The following METTL15 variants were observed in gnomAD, a reference collection of about 807,000 sequenced individuals.
The protein encoded by METTL15 is 12S rRNA N(4)-cytidine methyltransferase METTL15.
Under a neutral mutation model 38.3 loss-of-function variants are expected in METTL15, and 34 were observed. The observed-to-expected ratio is 0.89, with a 90% CI of 0.68 to 1.18. METTL15 has a LOEUF of 1.18. Ranked by LOEUF, METTL15 falls within the 50% of genes most tolerant of loss-of-function variation. The probability of loss-of-function intolerance (pLI) is 0.00; values close to 1 mark genes in which losing one functional copy is unlikely to be tolerated. For synonymous variants in METTL15, 162 were observed against 170.9 expected (o/e 0.95, Z 0.41); for missense variants, 438 against 498.4 (o/e 0.88, Z 1.15).
At chr11:28,377,876 A>T (rs572319875) in intron 5 of METTL15, among the ~76,000 whole-genome samples, 1 of 152,034 alleles carries the variant, frequency 6.6e-6, no homozygotes, top group Non-Finnish European at 1.5e-5. Flanking sequence ...CTTCTAACAG[A>T]CAGGACCCTC....
At chr11:28,372,427 A>G (rs1449899821) in intron 5 of METTL15, among the ~76,000 whole-genome samples, 3 of 145,966 alleles carry the variant, frequency 2.1e-5, no homozygotes, top group African/African-American at 7.5e-5. Flanking sequence ...CATTGGCTAG[A>G]AGTTTTCTTT....
chr11:28,129,563 C>G (rs181093325), intron 3 of METTL15, among the ~76,000 whole-genome samples: 1 of 152,060 alleles, frequency 6.6e-6, no homozygotes, highest in African/African-American at 2.4e-5. Context: ...GTGTGCAGCT[C>G]TACGCCTGGC....
At chr11:28,204,774 AT>A (rs1162880157) in intron 3 of METTL15, among the ~76,000 whole-genome samples, 2 of 151,938 alleles carry the variant, frequency 1.3e-5, no homozygotes, top group Non-Finnish European at 2.9e-5. Context: ...TGTAAGATAA[AT>A]AGAGGTACTT....
intron 6 of METTL15, among the ~76,000 whole-genome samples, chr11:28,462,099 T>G (rs1851220927): frequency 6.6e-6 from 1 of 152,080 alleles, no homozygotes; most frequent in African/African-American, 2.4e-5. Context: ...GTCAAAAAGA[T>G]GTATACAGTG....
At chr11:28,366,663 G>A (rs1447880059) in intron 5 of METTL15, among the ~76,000 whole-genome samples, 3 of 152,106 alleles carry the variant, frequency 2.0e-5, no homozygotes, top group African/African-American at 7.2e-5. Flanking sequence ...AATGTCTGTA[G>A]GAGCCTGTAA....
chr11:28,518,621 C>T (rs1385246103), intron 6 of METTL15, among the ~76,000 whole-genome samples: 2 of 152,184 alleles, frequency 1.3e-5, no homozygotes, highest in African/African-American at 2.4e-5. Flanking sequence ...CATCCTCATA[C>T]TGGTGGTGAA....
chr11:28,117,098 G>A (rs1324427577), intron 3 of METTL15, among the ~76,000 whole-genome samples: 4 of 151,908 alleles, frequency 2.6e-5, no homozygotes, highest in Admixed American at 2.0e-4. Flanking sequence ...TTCTCTTCGT[G>A]CTTTAAAAAG....
At chr11:28,203,312 TTA>T (rs1218449870) in intron 3 of METTL15, among the ~76,000 whole-genome samples, 38 of 152,034 alleles carry the variant, frequency 2.5e-4, no homozygotes, top group African/African-American at 9.2e-4. Context: ...AGGTGGACAT[TTA>T]TACTAAATCA....
intron 5 of METTL15, among the ~76,000 whole-genome samples, chr11:28,374,014 C>T (rs1056462780): frequency 8.6e-5 from 13 of 152,026 alleles, no homozygotes; most frequent in African/African-American, 3.1e-4. Flanking sequence ...TGTTCTGTTC[C>T]ATTGATCTGT....
At chr11:28,441,198 C>T (rs577271204) in intron 6 of METTL15, among the ~76,000 whole-genome samples, 16 of 151,784 alleles carry the variant, frequency 1.1e-4, no homozygotes, top group Non-Finnish European at 1.9e-4. Flanking sequence ...AATCCTCCTG[C>T]GTCAGCCTCC....
chr11:28,325,056 C>T (rs951909690), intron 6 of METTL15, among the ~76,000 whole-genome samples: 1 of 152,160 alleles, frequency 6.6e-6, no homozygotes, highest in African/African-American at 2.4e-5. Flanking sequence ...GCGAGCCAAG[C>T]TTTGTCCTGG....
chr11:28,133,653 A>G (rs770731398), intron 3 of METTL15, among the ~76,000 whole-genome samples: 4 of 152,146 alleles, frequency 2.6e-5, no homozygotes, highest in Non-Finnish European at 5.9e-5. Flanking sequence ...GACAGCTACC[A>G]TATCATTGTA....
intron 3 of METTL15, among the ~76,000 whole-genome samples, chr11:28,183,436 A>G (rs1728293468): frequency 6.6e-6 from 1 of 152,048 alleles, no homozygotes; most frequent in South Asian, 2.1e-4. Flanking sequence ...CGTCCCTTAG[A>G]TACCTAGTTT....
chr11:28,376,964 C>G (rs1192540139), intron 5 of METTL15, among the ~76,000 whole-genome samples: 8 of 124,374 alleles, frequency 6.4e-5, no homozygotes, highest in East Asian at 2.1e-4. Context: ...AAATTCTTTT[C>G]TTTAAGAATG....
chr11:28,363,582 A>C (rs2133369754), intron 5 of METTL15, among the ~76,000 whole-genome samples: 1 of 152,302 alleles, frequency 6.6e-6, no homozygotes, highest in Non-Finnish European at 1.5e-5. Context: ...GATTGTGGAT[A>C]TTAGATCTTT....
At chr11:28,421,240 A>T (rs1340855069) in intron 5 of METTL15, among the ~76,000 whole-genome samples, 1 of 151,976 alleles carries the variant, frequency 6.6e-6, no homozygotes, top group Non-Finnish European at 1.5e-5. Flanking sequence ...CAGCAGAAAA[A>T]AGCCTAGGTC....
At chr11:28,383,776 C>G (rs571789067) in intron 5 of METTL15, among the ~76,000 whole-genome samples, 3 of 152,044 alleles carry the variant, frequency 2.0e-5, no homozygotes, top group Admixed American at 6.6e-5. Flanking sequence ...TCAAAAGTGT[C>G]TATTAGTGTC....
At chr11:28,157,768 G>T (rs1248360134) in intron 3 of METTL15, among the ~76,000 whole-genome samples, 1 of 152,130 alleles carries the variant, frequency 6.6e-6, no homozygotes, top group Admixed American at 6.6e-5. Context: ...AATGCCCACG[G>T]TCCCCACTCC....
chr11:28,327,525 A>G (rs959135862), intron 6 of METTL15: 2 of 152,528 alleles, frequency 1.3e-5, no homozygotes, highest in African/African-American at 4.8e-5. Flanking sequence ...TTGAAATTCT[A>G]TAATATAAAA....
Sources: gnomAD v4.1 joint callset for allele counts (sites outside exome capture counted in the v4.1 genomes callset) on GRCh38, gnomAD v4.1.1 for gene constraint, MANE v1.5 for transcripts, NCBI Gene and HGNC (gene_info 2026-07-23, HGNC 2026-07-21) for gene names.